Variants in ARHGAP15 observed in about 807,000 individuals in gnomAD.
The protein encoded by ARHGAP15 is rho GTPase-activating protein 15.
ARHGAP15 carries 51 observed loss-of-function variants against 63.7 expected under a neutral mutation model. The observed-to-expected ratio is 0.80, with a 90% CI of 0.64 to 1.01. ARHGAP15 has a LOEUF of 1.01. ARHGAP15 is among the 50% of genes least tolerant of loss of function. ARHGAP15 has a pLI of 0.00. For synonymous variants in ARHGAP15, 191 were observed against 193.8 expected, an observed-to-expected ratio of 0.99 and a Z score of 0.12; for missense variants, 560 against 564.6, an observed-to-expected ratio of 0.99 and a Z score of 0.08.
Position 143,673,746 on chromosome 2 carries a change from G to GTTTATATA in ARHGAP15, c.1139-29672_1139-29671insTTATATAT, listed in dbSNP as rs1405952200. 1.0e-4 allele frequency among the ~76,000 whole-genome samples: 3 copies of GTTTATATA among 29,712 alleles called. No homozygotes were observed. The East Asian group carries it at 5.8e-3, about 58-fold the overall frequency. 19.5% of individuals were successfully genotyped at this position (29,712 alleles called of 152,430 possible). On this transcript the variant is annotated intron_variant, in intron 12 of 13. Transcript: ENST00000295095. ...ATTGTGTGTGTGTGTGTGTGTGTGT[G>GTTTATATA]TGTGTGTGTGTGTATATATATATAT...
At chr2:143,315,533 TGGGA>T (rs79048771) in intron 6 of ARHGAP15, among the ~76,000 whole-genome samples, 6,784 of 151,980 alleles carry the variant, frequency 0.045, 196 homozygotes, top group Non-Finnish European at 0.067. Flanking sequence ...TGCCAAGGAG[TGGGA>T]CACAGCTGTC....
intron 13 of ARHGAP15, among the ~76,000 whole-genome samples, chr2:143,756,136 A>G (rs1315409729): frequency 6.6e-6 from 1 of 152,210 alleles, no homozygotes; most frequent in Non-Finnish European, 1.5e-5. Flanking sequence ...GGCGCCCTCA[A>G]TGAAAAGTAA....
intron 6 of ARHGAP15, among the ~76,000 whole-genome samples, chr2:143,388,342 T>C (rs1469737726): frequency 6.6e-6 from 1 of 152,196 alleles, no homozygotes; most frequent in Non-Finnish European, 1.5e-5. Flanking sequence ...GCAAGACAAC[T>C]GTGAAAAGCT....
chr2:143,248,856 G>A (rs890188293), intron 5 of ARHGAP15, among the ~76,000 whole-genome samples: 1 of 152,080 alleles, frequency 6.6e-6, no homozygotes, highest in African/African-American at 2.4e-5. Context: ...TAAGTACCTG[G>A]AACATAAAAA....
intron 12 of ARHGAP15, chr2:143,656,011 C>T (rs527521546): frequency 6.6e-6 from 1 of 152,312 alleles, no homozygotes; most frequent in South Asian, 2.1e-4. Flanking sequence ...CACATTCTCA[C>T]TCTGAACTGA....
At chr2:143,185,933 C>T (rs185348245) in intron 2 of ARHGAP15, among the ~76,000 whole-genome samples, 321 of 152,236 alleles carry the variant, frequency 2.1e-3, no homozygotes, top group Non-Finnish European at 3.5e-3. Flanking sequence ...CTCCCTACAA[C>T]GTATCTTGTT....
intron 5 of ARHGAP15, among the ~76,000 whole-genome samples, chr2:143,242,307 G>A (rs1054322036): frequency 1.3e-5 from 2 of 152,368 alleles, no homozygotes; most frequent in Non-Finnish European, 2.9e-5. Flanking sequence ...GTCATCTGCA[G>A]GGACAGCTGA....
intron 6 of ARHGAP15, among the ~76,000 whole-genome samples, chr2:143,251,825 G>T (rs1680172147): frequency 4.6e-5 from 7 of 151,958 alleles, no homozygotes; most frequent in Admixed American, 2.6e-4. Context: ...CTAAAATGTG[G>T]CTTTACAGAA....
intron 13 of ARHGAP15, 54 bp downstream of exon 13, chr2:143,703,578 C>T: frequency 7.2e-7 from 1 of 1,393,450 alleles, no homozygotes; most frequent in Non-Finnish European, 1.0e-6. Context: ...CCTAAATGGG[C>T]AATATTGAAT....
chr2:143,524,586 T>C (rs1321965369), intron 10 of ARHGAP15, among the ~76,000 whole-genome samples: 1 of 152,204 alleles, frequency 6.6e-6, no homozygotes, highest in Admixed American at 6.6e-5. Context: ...GCTAAAATTA[T>C]TATTATACCT....
At chr2:143,231,310 A>T (rs1410654776) in intron 5 of ARHGAP15, among the ~76,000 whole-genome samples, 1 of 152,162 alleles carries the variant, frequency 6.6e-6, no homozygotes, top group Non-Finnish European at 1.5e-5. Flanking sequence ...GTATAATTAT[A>T]TTATTACATT....
chr2:143,714,958 T>C (rs1684742674), intron 13 of ARHGAP15, among the ~76,000 whole-genome samples: 1 of 152,234 alleles, frequency 6.6e-6, no homozygotes, highest in Admixed American at 6.5e-5. Context: ...CTCTGCCTGT[T>C]ACCCAGTTCC....
intron 6 of ARHGAP15, among the ~76,000 whole-genome samples, chr2:143,358,311 C>T (rs1036843082): frequency 6.6e-6 from 1 of 152,138 alleles, no homozygotes; most frequent in African/African-American, 2.4e-5. Context: ...GAAAACAGCT[C>T]AGAAATTTCA....
chr2:143,714,960 C>T (rs1189156458), intron 13 of ARHGAP15, among the ~76,000 whole-genome samples: 1 of 152,182 alleles, frequency 6.6e-6, no homozygotes, highest in Admixed American at 6.5e-5. Flanking sequence ...CTGCCTGTTA[C>T]CCAGTTCCAA....
intron 9 of ARHGAP15, among the ~76,000 whole-genome samples, chr2:143,503,749 A>G (rs1206142599): frequency 3.3e-5 from 5 of 152,222 alleles, no homozygotes; most frequent in Non-Finnish European, 7.3e-5. Flanking sequence ...TAACTTTTTC[A>G]GGCATTATCC....
At chr2:143,721,095 CAAG>C (rs1685039001) in intron 13 of ARHGAP15, among the ~76,000 whole-genome samples, 1 of 142,700 alleles carries the variant, frequency 7.0e-6, no homozygotes, top group Non-Finnish European at 1.5e-5. Flanking sequence ...GATTCTGATT[CAAG>C]AAGTCTGGGA....
chr2:143,390,331 G>A (rs559373283), intron 6 of ARHGAP15, among the ~76,000 whole-genome samples: 1 of 152,166 alleles, frequency 6.6e-6, no homozygotes, highest in Admixed American at 6.5e-5. Context: ...GCTGCTGCCT[G>A]ATCCTAGAAA....
At chr2:143,549,702 A>C (rs993011340) in intron 10 of ARHGAP15, among the ~76,000 whole-genome samples, 3 of 152,204 alleles carry the variant, frequency 2.0e-5, no homozygotes, top group African/African-American at 7.2e-5. Flanking sequence ...GAGAAAGAAG[A>C]CAGTGGAGAA....
Position 143,556,484 on chromosome 2 carries a change from A to C in ARHGAP15, c.1002A>C (p.Gln334His). 2 of 1,610,822 alleles carry C rather than the reference A, an allele frequency of 1.2e-6. No homozygotes were observed. Among genetic ancestry groups the C allele is most frequent in the African/African-American group, 2.7e-5 (2 of 74,940 alleles). The change falls in exon 11 of 14, where the codon CAA becomes CAC. Residue 334 changes from glutamine (Q) to histidine (H), a missense_variant and splice_region_variant. Transcript: ENST00000295095. ...TIQKLRFIVN[Q>H]EEKLNLDDSQ... is the part of the protein sequence containing the mutation. ...AGAAGTTAAGATTTATTGTCAACCA[A>C]GGTAAGTGATTTCCACTTCAGAGAT...
Sources: allele counts gnomAD v4.1 joint callset (sites outside exome capture counted in the v4.1 genomes callset), GRCh38; gene constraint gnomAD v4.1.1; transcripts MANE v1.5; gene names NCBI Gene and HGNC (gene_info 2026-07-23, HGNC 2026-07-21).